The following TNK2 variants were observed in gnomAD, a reference collection of about 807,000 sequenced individuals.
TNK2 encodes tyrosine kinase non receptor 2.
A neutral mutation model predicts 101.8 loss-of-function variants in TNK2; 83 were observed. The observed-to-expected ratio is 0.82, with a 90% confidence interval of 0.68 to 0.98. The LOEUF is 0.98. Among genes scored for constraint, TNK2 ranks in the 50% least tolerant of loss-of-function variants. The pLI, the probability that TNK2 is intolerant of heterozygous loss-of-function variation, is 0.00. For synonymous variants in TNK2, 804 were observed against 633.0 expected (o/e 1.27, Z -4.06); for missense variants, 1,665 against 1,483.2 (o/e 1.12, Z -2.01).
At chr3:195,893,993 C>G (rs1234047744) in intron 1 of TNK2, among the ~76,000 whole-genome samples, 1 of 152,234 alleles carries the variant, frequency 6.6e-6, no homozygotes, top group Non-Finnish European at 1.5e-5. Flanking sequence ...CCCCTGCCAT[C>G]CAGCCCACAA....
At chr3:195,897,996 C>T (rs745344216) in intron 1 of TNK2, among the ~76,000 whole-genome samples, 10 of 151,958 alleles carry the variant, frequency 6.6e-5, no homozygotes, top group South Asian at 2.1e-4. Flanking sequence ...GCTCCAGACC[C>T]GCATTTCCAG....
rs1288085238 is a variant in TNK2 at position 195,868,142 on chromosome 3, G to A, written c.2156C>T (p.Ala719Val). ...CTGCTGTAGCGCCTGGAAGATCTCT[G>A]CGGTCTGTGCGGAGCTGGGCGGCTT... ...GGKPPSSAQT[A>V]EIFQALQQEC... Residue 719 changes from alanine to valine, a missense_variant, in exon 13 of 16, where the codon GCA becomes GTA. Physicochemically the swap from Ala to Val is moderately conservative, Grantham distance 64 (BLOSUM62 0). Transcript: ENST00000672887. 1.2e-6 allele frequency: 2 copies of A among 1,611,380 alleles called. No individual in the cohort carries two copies. The highest frequency in any genetic ancestry group is 1.7e-6 in the Non-Finnish European group (2 of 1,179,460).
In TNK2 at chr3:195,869,190, G is replaced by A. The variant is rs542932143; in HGVS notation, c.1588+307C>T. ...CACAAAGCCCAGACAGCGCCTGCAG[G>A]TCTGGGAGGCAGCGAGGCCAAGGCA... On this transcript the variant is annotated intron_variant, in intron 12 of 15. Coordinates refer to ENST00000672887, the MANE Select transcript of TNK2 (RefSeq NM_001382273.1). The A allele has an allele frequency of 3.6e-4, 205 of 572,256 alleles. 1 individual carries two copies. The highest frequency in any genetic ancestry group is 3.5e-3 in the African/African-American group (189 of 53,418). The allele number at this position is 572,256 out of a possible 1,614,324, so 35.4% of individuals were successfully genotyped here. A position where few individuals can be genotyped will look rare whatever the true frequency, so the allele number is the denominator to read the frequency against.
At chr3:195,887,878 G>A (rs894560774) in intron 2 of TNK2, among the ~76,000 whole-genome samples, 4 of 140,640 alleles carry the variant, frequency 2.8e-5, no homozygotes, top group East Asian at 2.2e-4. Context: ...GCGTGTGAGC[G>A]CGTGCGTACG....
In TNK2 at chr3:195,867,015, A is replaced by C; in HGVS notation, c.3035T>G (p.Val1012Gly). Residue 1012 changes from valine (V) to glycine (G), a missense_variant and splice_region_variant, in exon 15 of 16, where the codon GTG (valine) becomes GGG (glycine). Transcript: ENST00000672887. ...SVQRAAQYLK[V>G]EQLFGLGLRP... ...CAGACCCAGCCCGAAGAGCTGCTCC[A>C]CCTGGGGGTAAGGGTGGCGCCATGG... is the stretch of plus-strand genomic sequence containing the variant. 6.2e-7 allele frequency: 1 copy of C among 1,612,994 alleles called. No individual in the cohort carries two copies. Among genetic ancestry groups the C allele is most frequent in the Non-Finnish European group, 8.5e-7 (1 of 1,179,882 alleles).
chr3:195,903,754 G>A (rs1161947036), intron 1 of TNK2, among the ~76,000 whole-genome samples: 1 of 152,040 alleles, frequency 6.6e-6, no homozygotes, highest in Non-Finnish European at 1.5e-5. Flanking sequence ...GATCCAGCCA[G>A]GGCAATCAGG....
chr3:195,864,055 T>G lies in TNK2; in HGVS notation c.*126A>C. ...CAGCCTCCCGCAGCCTTGGCCTTGC[T>G]CCATCCCCGGGAGCAGCAGGAGCAG... On this transcript the variant is annotated 3_prime_UTR_variant, in exon 16 of 16. Transcript: ENST00000672887. 1.5e-6 allele frequency: 2 copies of G among 1,361,370 alleles called. No individual in the cohort carries two copies. Among genetic ancestry groups the G allele is most frequent in the Non-Finnish European group, 2.1e-6 (2 of 967,802 alleles). 84.3% of individuals were successfully genotyped at this position (1,361,370 alleles called of 1,614,324 possible). A position where few individuals can be genotyped will look rare whatever the true frequency, so the allele number is the denominator to read the frequency against.
chr3:195,867,277 A>G lies in TNK2; in HGVS notation c.2938-13T>C, dbSNP rs1741511041. The G allele has an allele frequency of 6.2e-7, 1 of 1,608,376 alleles. No individual in the cohort carries two copies. Among genetic ancestry groups the G allele is most frequent in the Non-Finnish European group, 8.5e-7 (1 of 1,177,526 alleles). On this transcript the variant is annotated splice_polypyrimidine_tract_variant and intron_variant, in intron 13 of 15. Coordinates refer to ENST00000672887, the MANE Select transcript of TNK2 (RefSeq NM_001382273.1). ...CCATGGCCTGCAGCTGGGCACACCC[A>G]CCCCTGTCAGCACCACTAGGGCCCA... is the stretch of plus-strand genomic sequence containing the variant.
Position 195,886,085 on chromosome 3 carries a change from C to G in TNK2, c.234+892G>C, listed in dbSNP as rs982021408. ...GACCGGTATCATTTCACTGAAGACA[C>G]AACAAAAATCTGGAGGCCACTGACC... On this transcript the variant is annotated intron_variant, in intron 3 of 15. Coordinates refer to ENST00000672887, the MANE Select transcript of TNK2 (RefSeq NM_001382273.1). The surrounding 1 kb of genome is among the most constrained non-coding windows in gnomAD (Gnocchi z 4.2). 1 of 154,580 alleles carries G rather than the reference C, an allele frequency of 6.5e-6. No homozygotes were observed. The highest frequency in any genetic ancestry group is 1.4e-5 in the Non-Finnish European group (1 of 69,708). 9.6% of individuals were successfully genotyped at this position (154,580 alleles called of 1,614,324 possible). A position where few individuals can be genotyped will look rare whatever the true frequency, so the allele number is the denominator to read the frequency against.
chr3:195,878,270 G>A lies in TNK2; in HGVS notation c.1239C>T (p.Ile413=). 9.3e-6 allele frequency: 15 copies of A among 1,613,982 alleles called. No homozygotes were observed. The highest frequency in any genetic ancestry group is 1.3e-5 in the Non-Finnish European group (15 of 1,179,972). Residue 413 remains isoleucine, a synonymous_variant, in exon 9 of 16, where the codon ATC becomes ATT. Transcript: ENST00000672887. This position sits in a 1 kb window ranked among gnomAD's most constrained non-coding sequence, Gnocchi z 4.7. ...CTCCCTACCTTCCCTCGATGACGGT[G>A]ATGACATCATTCATCTGGATGTGCA... ...DKLHIQMNDV[I]TVIEGRAENY... is the part of the protein sequence containing the mutation.
In TNK2 at chr3:195,868,237, A is replaced by T; in HGVS notation, c.2061T>A (p.Phe687Leu). 1 of 1,605,902 alleles carries T rather than the reference A, an allele frequency of 6.2e-7. No individual in the cohort carries two copies. The highest frequency in any genetic ancestry group is 8.5e-7 in the Non-Finnish European group (1 of 1,179,484). The stretch of plus-strand genomic sequence containing the variant: ...GGGGCGGCCGCGCCTGCTCAGGCAC[A>T]AAGGCGTAGTTGGTCTGGCCCTGGC... ...GPSQGQTNYA[F>L]VPEQARPPPP... The change falls in exon 13 of 16, where the codon TTT (phenylalanine) becomes TTA (leucine). Residue 687 changes from phenylalanine (F) to leucine (L), a missense_variant. Coordinates refer to ENST00000672887, the MANE Select transcript of TNK2 (RefSeq NM_001382273.1).
Position 195,875,417 on chromosome 3 carries a change from A to G in TNK2, c.1256+2836T>C, listed in dbSNP as rs56311748. Reference sequence around the variant, plus strand: ...GCGCCCACGCACGCTCCGAGGCACAAGAAGCTCCCCCTCGGGATGGCGCCC... The same window carrying G: ...GCGCCCACGCACGCTCCGAGGCACAGGAAGCTCCCCCTCGGGATGGCGCCC... On this transcript the variant is annotated intron_variant, in intron 9 of 15. Transcript: ENST00000672887. 8.7e-3 allele frequency among the ~76,000 whole-genome samples: 498 copies of G among 57,060 alleles called. 17 individuals carry two copies. The highest frequency in any genetic ancestry group is 0.012 in the African/African-American group (190 of 16,012). 37.4% of individuals were successfully genotyped at this position (57,060 alleles called of 152,430 possible). A position where few individuals can be genotyped will look rare whatever the true frequency, so the allele number is the denominator to read the frequency against.
At chr3:195,872,037 C>CCTCCCCTGGAGAACA (rs1328525478) in intron 10 of TNK2, among the ~76,000 whole-genome samples, 6 of 84,220 alleles carry the variant, frequency 7.1e-5, no homozygotes, top group African/African-American at 1.5e-4. Context: ...CCTGGAGAAC[C>CCTCCCCTGGAGAACA]CTCCCCTGGA....
chr3:195,897,241 C>A (rs1036462071), intron 1 of TNK2, among the ~76,000 whole-genome samples: 2 of 152,258 alleles, frequency 1.3e-5, no homozygotes, highest in Non-Finnish European at 2.9e-5. Context: ...CCAGAGGAAC[C>A]TGCACCAGGC....
chr3:195,897,947 A>G (rs996319479), intron 1 of TNK2, among the ~76,000 whole-genome samples: 3 of 150,736 alleles, frequency 2.0e-5, no homozygotes, highest in African/African-American at 7.3e-5. Flanking sequence ...AGGGACTCCT[A>G]TTACCACCTT....
chr3:195,865,204 G>A (rs1739861473), intron 15 of TNK2, among the ~76,000 whole-genome samples: 1 of 111,340 alleles, frequency 9.0e-6, no homozygotes, highest in Non-Finnish European at 1.8e-5. Flanking sequence ...GTGACAGCGA[G>A]TGCCTGCGTC....
In TNK2 at chr3:195,867,960, C is replaced by T; in HGVS notation, c.2338G>A (p.Glu780Lys). Reference protein sequence around the residue: ...QLSPAPPGEEETSQWPGPASP... With the variant: ...QLSPAPPGEEKTSQWPGPASP... ...GCAGGTCCAGGCCACTGGCTGGTCT[C>T]CTCCTCGCCCGGGGGGGCTGGAGAC... The change falls in exon 13 of 16, where the codon GAG (glutamate) becomes AAG (lysine). Residue 780 changes from glutamate (E) to lysine (K), a missense_variant. This residue lies in a region of TNK2 where 1,136 missense variants were observed against 894.9 expected (regional missense o/e 1.27). Transcript: ENST00000672887. 1 of 1,545,288 alleles carries T rather than the reference C, an allele frequency of 6.5e-7. No individual in the cohort carries two copies. Among genetic ancestry groups the T allele is most frequent in the Non-Finnish European group, 8.6e-7 (1 of 1,157,850 alleles).
chr3:195,867,935 G>T lies in TNK2; in HGVS notation c.2363C>A (p.Ala788Asp). The change falls in exon 13 of 16, where the codon GCT becomes GAT. Residue 788 changes from alanine (A) to aspartate (D), a missense_variant. Physicochemically the swap from Ala to Asp is moderately radical, Grantham distance 126. Coordinates refer to ENST00000672887, the MANE Select transcript of TNK2 (RefSeq NM_001382273.1). ...EEETSQWPGP[A>D]SPPRVPPREP... is the part of the protein sequence containing the mutation. Reference sequence around the variant, plus strand: ...CCGCGGAGGCACCCGGGGAGGGGAAGCAGGTCCAGGCCACTGGCTGGTCTC... The same window carrying T: ...CCGCGGAGGCACCCGGGGAGGGGAATCAGGTCCAGGCCACTGGCTGGTCTC... 1 of 1,534,626 alleles carries T rather than the reference G, an allele frequency of 6.5e-7. No homozygotes were observed.
chr3:195,890,972 C>T (rs770642184), intron 1 of TNK2, among the ~76,000 whole-genome samples: 7 of 152,254 alleles, frequency 4.6e-5, no homozygotes, highest in Non-Finnish European at 7.3e-5. Flanking sequence ...AGGTTACTAA[C>T]GTATTAGGAT....
Sources: gnomAD v4.1 joint callset for allele counts (sites outside exome capture counted in the v4.1 genomes callset) on GRCh38, gnomAD v4.1.1 for gene constraint, gnomAD v4.1.1 regional missense constraint, Gnocchi (gnomAD v3.1) non-coding constraint, MANE v1.5 for transcripts, NCBI Gene and HGNC (gene_info 2026-07-23, HGNC 2026-07-21) for gene names.